ITPR1: variants seen among roughly 807,000 people sequenced by gnomAD.
ITPR1 encodes the protein inositol 1,4,5-trisphosphate-gated calcium channel ITPR1.
Under a neutral mutation model 318.4 loss-of-function variants are expected in ITPR1, and 96 were observed. The ratio of observed to expected loss-of-function variants is 0.30; its 90% CI spans 0.26 to 0.36. The LOEUF is 0.36. Ranked by LOEUF, ITPR1 falls within the 10% of genes least tolerant of loss-of-function variation. The pLI, the probability that ITPR1 is intolerant of heterozygous loss-of-function variation, is 1.00. For synonymous variants in ITPR1, 1,312 were observed against 1,289.9 expected, an observed-to-expected ratio of 1.02 and a Z score of -0.37; for missense variants, 2,440 against 3,460.2, an observed-to-expected ratio of 0.71 and a Z score of 7.40.
intron 44 of ITPR1, among the ~76,000 whole-genome samples, chr3:4,743,896 G>A (rs527913576): frequency 1.6e-4 from 24 of 152,278 alleles, no homozygotes; most frequent in East Asian, 1.2e-3. Flanking sequence ...GTGCAGTGGC[G>A]CGATCTCAGC....
chr3:4,641,426 G>C (rs1223983914), intron 6 of ITPR1, among the ~76,000 whole-genome samples: 2 of 152,228 alleles, frequency 1.3e-5, no homozygotes, highest in South Asian at 2.1e-4. Flanking sequence ...ACCCAAGCTG[G>C]AGTACAGTGG....
At chr3:4,769,977 A>G (rs2046081562) in intron 46 of ITPR1, among the ~76,000 whole-genome samples, 1 of 152,182 alleles carries the variant, frequency 6.6e-6, no homozygotes, top group African/African-American at 2.4e-5. Flanking sequence ...TCCTGGACCT[A>G]GGGAAACCAC....
chr3:4,686,139 G>A (rs1055946232), intron 30 of ITPR1, among the ~76,000 whole-genome samples: 5 of 152,282 alleles, frequency 3.3e-5, no homozygotes, highest in Admixed American at 2.6e-4. Flanking sequence ...GAGCTGCAGC[G>A]GGAGAGGTTC....
intron 4 of ITPR1, among the ~76,000 whole-genome samples, chr3:4,588,263 A>G (rs1472365782): frequency 1.3e-5 from 2 of 151,824 alleles, no homozygotes; most frequent in East Asian, 3.9e-4. Flanking sequence ...CTGACCCTAG[A>G]GCTAGCTATT....
intron 4 of ITPR1, among the ~76,000 whole-genome samples, chr3:4,578,706 C>T (rs770650258): frequency 9.8e-5 from 15 of 152,286 alleles, no homozygotes; most frequent in Admixed American, 3.3e-4. Context: ...ACGTGGTTGG[C>T]GCGCTCATGA....
At chr3:4,647,347 G>A (rs1292604700) in intron 10 of ITPR1, among the ~76,000 whole-genome samples, 1 of 152,176 alleles carries the variant, frequency 6.6e-6, no homozygotes, top group Non-Finnish European at 1.5e-5. Flanking sequence ...TTCAAATAAA[G>A]CTTCTAGGGA....
chr3:4,782,389 G>C (rs2046893327), intron 49 of ITPR1: 1 of 365,368 alleles, frequency 2.7e-6, no homozygotes, highest in Non-Finnish European at 4.9e-6. Context: ...ATGTCTCTTG[G>C]TCTAAGTAGA....
intron 33 of ITPR1, 134 bp downstream of exon 33, chr3:4,693,875 G>T: frequency 1.1e-6 from 1 of 880,626 alleles, no homozygotes; most frequent in Non-Finnish European, 1.7e-6. Context: ...ATTTTGTAGT[G>T]GGATTTCAGT....
In ITPR1 at chr3:4,691,230, C is replaced by T. The variant is rs923372943; in HGVS notation, c.3915C>T (p.Phe1305=). 73 of 1,612,766 alleles carry T rather than the reference C, an allele frequency of 4.5e-5. No homozygotes were observed. The highest frequency in any genetic ancestry group is 1.7e-4 in the Middle Eastern group (1 of 6,060). The change falls in exon 32 of 62, where the codon TTC becomes TTT. Residue 1305 remains phenylalanine, a synonymous_variant. Transcript: ENST00000649015. The part of the protein sequence containing the change: ...SEINERVVQH[F]VHCIETHGRN... The stretch of plus-strand genomic sequence containing the variant: ...TCAACGAGAGAGTTGTTCAGCACTT[C>T]GTTCACTGCATAGAGACTCACGGTC...
At chr3:4,650,507 A>G (rs2093568672) in intron 10 of ITPR1, among the ~76,000 whole-genome samples, 1 of 152,082 alleles carries the variant, frequency 6.6e-6, no homozygotes, top group South Asian at 2.1e-4. Context: ...TGTTCCTTGT[A>G]TATAGTGTCT....
intron 4 of ITPR1, among the ~76,000 whole-genome samples, chr3:4,567,350 G>C (rs1446871603): frequency 6.6e-6 from 1 of 152,168 alleles, no homozygotes; most frequent in Non-Finnish European, 1.5e-5. Context: ...TGTTGAATTT[G>C]TGTAATGTTC....
At position 4,766,687 on chromosome 3, in the gene ITPR1, G is replaced by A. The variant is rs768576198; in HGVS notation, c.5702G>A (p.Arg1901Lys). The A allele has an allele frequency of 1.2e-6, 2 of 1,606,002 alleles. No homozygotes were observed. Among genetic ancestry groups the A allele is most frequent in the African/African-American group, 1.3e-5 (1 of 74,576 alleles). ...GNKKKDDEVDRDAPSRKKAKE... is the reference protein window; with the variant it reads ...GNKKKDDEVDKDAPSRKKAKE... ...AAAAAGAAAGACGATGAGGTAGACA[G>A]GGATGCCCCATCACGGAAAAAAGGT... Residue 1901 changes from arginine to lysine, a missense_variant, in exon 45 of 62, where the codon AGG (arginine) becomes AAG (lysine). Arg to Lys is a conservative substitution (Grantham distance 26). Transcript: ENST00000649015.
At chr3:4,701,029 C>A (rs149509315) in intron 35 of ITPR1, among the ~76,000 whole-genome samples, 1 of 152,208 alleles carries the variant, frequency 6.6e-6, no homozygotes, top group Non-Finnish European at 1.5e-5. Context: ...AGCTACAATT[C>A]AAGATGAAGT....
chr3:4,731,176 G>A (rs2042903300), intron 42 of ITPR1, among the ~76,000 whole-genome samples: 1 of 152,100 alleles, frequency 6.6e-6, no homozygotes, highest in East Asian at 1.9e-4. Flanking sequence ...TTTCAAACTT[G>A]TACTTCTCTT....
chr3:4,816,659 G>A (rs2049322908), intron 59 of ITPR1, among the ~76,000 whole-genome samples: 1 of 152,178 alleles, frequency 6.6e-6, no homozygotes, highest in Non-Finnish European at 1.5e-5. Context: ...AAAGTGTTAG[G>A]ATTACAGGCA....
At chr3:4,743,437 G>A (rs1179688859) in intron 44 of ITPR1, among the ~76,000 whole-genome samples, 3 of 152,190 alleles carry the variant, frequency 2.0e-5, no homozygotes, top group Non-Finnish European at 2.9e-5. Context: ...TCTGAGTGAC[G>A]GCAGACAGTA....
At chr3:4,500,739 T>G (rs1013425726) in intron 2 of ITPR1, among the ~76,000 whole-genome samples, 5 of 152,210 alleles carry the variant, frequency 3.3e-5, no homozygotes, top group Non-Finnish European at 7.3e-5. Flanking sequence ...GGCTAAGACA[T>G]CATTGTTCTC....
At chr3:4,753,456 G>A (rs890539786) in intron 44 of ITPR1, among the ~76,000 whole-genome samples, 1 of 152,116 alleles carries the variant, frequency 6.6e-6, no homozygotes, top group Non-Finnish European at 1.5e-5. Flanking sequence ...ACATCTTACT[G>A]TCAGCTGCCA....
intron 4 of ITPR1, among the ~76,000 whole-genome samples, chr3:4,559,130 A>G (rs2086427648): frequency 6.6e-6 from 1 of 151,444 alleles, no homozygotes; most frequent in African/African-American, 2.4e-5. Flanking sequence ...GTAGTTAACT[A>G]CAGCATGTGC....
Sources: gnomAD v4.1 joint callset for allele counts (sites outside exome capture counted in the v4.1 genomes callset) on GRCh38, gnomAD v4.1.1 for gene constraint, MANE v1.5 for transcripts, NCBI Gene and HGNC (gene_info 2026-07-23, HGNC 2026-07-21) for gene names.